TTC33: variants seen among roughly 807,000 people sequenced by gnomAD.
TTC33 encodes tetratricopeptide repeat domain 33.
TTC33 carries 24 observed loss-of-function variants against 29.4 expected under a neutral mutation model. The observed-to-expected ratio is 0.82, with a 90% CI of 0.59 to 1.15. TTC33 has a LOEUF of 1.15. Among genes scored for constraint, TTC33 ranks in the 50% most tolerant of loss-of-function variants. TTC33 has a pLI of 0.00. For synonymous variants in TTC33, 107 were observed against 100.3 expected (o/e 1.07, Z -0.40); for missense variants, 286 against 310.4 (o/e 0.92, Z 0.59).
intron 4 of TTC33, among the ~76,000 whole-genome samples, chr5:40,725,597 A>T (rs1742261412): frequency 6.6e-6 from 1 of 152,182 alleles, no homozygotes; most frequent in Non-Finnish European, 1.5e-5. Flanking sequence ...CCAGCACTGA[A>T]GGCTGAGAAC....
At position 40,715,056 on chromosome 5, in the gene TTC33, G is replaced by C. The variant is rs1741971521; in HGVS notation, c.*1089C>G. On this transcript the variant is annotated 3_prime_UTR_variant, in exon 5 of 5. Transcript: ENST00000337702. Reference sequence around the variant, plus strand: ...TAATATAGCCTTTTCATACTCATGAGATTGTACTATAAATCACATTCCAAT... The same window carrying C: ...TAATATAGCCTTTTCATACTCATGACATTGTACTATAAATCACATTCCAAT... 1 of 151,922 alleles carries C rather than the reference G, an allele frequency of 6.6e-6. No homozygotes were observed. Among genetic ancestry groups the C allele is most frequent in the Non-Finnish European group, 1.5e-5 (1 of 67,912 alleles). 9.4% of individuals were successfully genotyped at this position (151,922 alleles called of 1,614,324 possible).
chr5:40,746,577 C>G (rs1190178171), intron 2 of TTC33, among the ~76,000 whole-genome samples: 3 of 152,118 alleles, frequency 2.0e-5, no homozygotes, highest in African/African-American at 7.2e-5. Flanking sequence ...TAATTAGCAT[C>G]CTGAAAACTA....
In TTC33 at chr5:40,746,783, A is replaced by AAT; in HGVS notation, c.221+14_221+15insAT. On this transcript the variant is annotated intron_variant, in intron 2 of 4. Transcript: ENST00000337702. ...GTAAGCTCTTCTCCATAAAAAAAAA[A>AAT]CTTTAAATACATACCTTTTATTTTC... The AAT allele has an allele frequency of 6.3e-7, 1 of 1,581,972 alleles. No homozygotes were observed. The highest frequency in any genetic ancestry group is 8.6e-7 in the Non-Finnish European group (1 of 1,165,628).
chr5:40,745,177 C>A (rs1742767338), intron 2 of TTC33, among the ~76,000 whole-genome samples: 1 of 152,122 alleles, frequency 6.6e-6, no homozygotes, highest in African/African-American at 2.4e-5. Context: ...AATCTGTGAA[C>A]TCCTTAGATC....
intron 4 of TTC33, among the ~76,000 whole-genome samples, chr5:40,725,118 G>C (rs181715148): frequency 6.1e-4 from 92 of 151,068 alleles, no homozygotes; most frequent in African/African-American, 2.2e-3. Context: ...AACATGCTGG[G>C]ATTACAGGCA....
chr5:40,735,482 T>C (rs1742529404), intron 2 of TTC33, among the ~76,000 whole-genome samples: 2 of 152,304 alleles, frequency 1.3e-5, no homozygotes, highest in South Asian at 4.1e-4. Context: ...TAATTTGGGT[T>C]ACCTGGAAAA....
intron 1 of TTC33, among the ~76,000 whole-genome samples, 163 bp from the exon 2 acceptor site, chr5:40,747,182 C>A (rs976415648): frequency 6.6e-6 from 1 of 151,984 alleles, no homozygotes; most frequent in South Asian, 2.1e-4. Flanking sequence ...CTCAGCCTCC[C>A]GAATAGCTGG....
chr5:40,729,508 T>C lies in TTC33; in HGVS notation c.303+754A>G, dbSNP rs547646625. On this transcript the variant is annotated intron_variant, in intron 3 of 4. Coordinates refer to ENST00000337702, the MANE Select transcript of TTC33 (RefSeq NM_012382.3). The stretch of plus-strand genomic sequence containing the variant: ...AGTACAAATGTTATTTTTAAGCTAT[T>C]AATAAAATTGCATCTATGCTGACCT... Among the ~76,000 whole-genome samples, 3 of 152,324 alleles carry C rather than the reference T, an allele frequency of 2.0e-5. No individual in the cohort carries two copies. The South Asian group carries it at 6.2e-4, about 32-fold the overall frequency.
intron 4 of TTC33, among the ~76,000 whole-genome samples, chr5:40,727,686 C>A (rs1246337620): frequency 6.6e-6 from 1 of 152,200 alleles, no homozygotes; most frequent in Non-Finnish European, 1.5e-5. Context: ...GATACTAATA[C>A]CACTTTATAA....
intron 2 of TTC33, among the ~76,000 whole-genome samples, chr5:40,739,444 A>G (rs1007878200): frequency 2.0e-5 from 3 of 152,176 alleles, no homozygotes; most frequent in African/African-American, 7.2e-5. Context: ...TGTAATCCCC[A>G]GTGTTAAAGG....
chr5:40,724,566 G>A (rs1174522265), intron 4 of TTC33, among the ~76,000 whole-genome samples: 1 of 151,768 alleles, frequency 6.6e-6, no homozygotes, highest in Non-Finnish European at 1.5e-5. Flanking sequence ...CCGGGAGGTG[G>A]AGGTTGAAGT....
At chr5:40,751,721 G>A (rs1742897322) in intron 1 of TTC33, among the ~76,000 whole-genome samples, 1 of 152,090 alleles carries the variant, frequency 6.6e-6, no homozygotes. Flanking sequence ...CACTTTGGGG[G>A]GCCAAGGCGG....
intron 2 of TTC33, among the ~76,000 whole-genome samples, chr5:40,734,764 G>A (rs1742508427): frequency 6.6e-6 from 1 of 152,176 alleles, no homozygotes; most frequent in South Asian, 2.1e-4. Context: ...TAAGGATGCA[G>A]CACCCAACAA....
rs777175592 is a variant in TTC33 at position 40,716,407 on chromosome 5, T to G, written c.527A>C (p.Glu176Ala). 1.2e-6 allele frequency: 2 copies of G among 1,613,886 alleles called. No individual in the cohort carries two copies. The highest frequency in any genetic ancestry group is 1.7e-6 in the Non-Finnish European group (2 of 1,180,046). The part of the protein sequence containing the change: ...EDLSWARTLQ[E>A]QQKVAQRIKK... ...AATCCTCTGTGCTACCTTCTGCTGCTCCTGGAGCGTTCTTGCCCAAGAGAG... is the reference window on the plus strand; with the variant it reads ...AATCCTCTGTGCTACCTTCTGCTGCGCCTGGAGCGTTCTTGCCCAAGAGAG... The change falls in exon 5 of 5, where the codon GAG becomes GCG. Residue 176 changes from glutamate to alanine, a missense_variant. Glu to Ala is a moderately radical substitution (Grantham distance 107). Transcript: ENST00000337702.
At chr5:40,732,832 T>C (rs1742463124) in intron 2 of TTC33, among the ~76,000 whole-genome samples, 1 of 152,120 alleles carries the variant, frequency 6.6e-6, no homozygotes, top group South Asian at 2.1e-4. Flanking sequence ...GGTCTTGAAC[T>C]CTTGACCTCA....
Position 40,716,334 on chromosome 5 carries a change from T to C in TTC33, c.600A>G (p.Ser200=). The change falls in exon 5 of 5, where the codon TCA becomes TCG. Residue 200 remains serine (S), a synonymous_variant. Coordinates refer to ENST00000337702, the MANE Select transcript of TTC33 (RefSeq NM_012382.3). The stretch of plus-strand genomic sequence containing the variant: ...CACTTTCAAAGTCATAGTCTGGAAT[T>C]GACTTTGGTGAAAAGTGTGTTACTT... The part of the protein sequence containing the change: ...PAEVTHFSPK[S]IPDYDFESDE... The C allele has an allele frequency of 6.2e-7, 1 of 1,614,204 alleles. No individual in the cohort carries two copies. Among genetic ancestry groups the C allele is most frequent in the Non-Finnish European group, 8.5e-7 (1 of 1,180,024 alleles).
At chr5:40,726,748 A>G (rs1742297956) in intron 4 of TTC33, among the ~76,000 whole-genome samples, 1 of 152,162 alleles carries the variant, frequency 6.6e-6, no homozygotes, top group South Asian at 2.1e-4. Flanking sequence ...AATCTTTACT[A>G]AATATTATGT....
intron 1 of TTC33, among the ~76,000 whole-genome samples, chr5:40,750,154 A>T (rs1742868153): frequency 6.6e-6 from 1 of 151,936 alleles, no homozygotes; most frequent in South Asian, 2.1e-4. Context: ...GCCAATGATC[A>T]TCTGAACCTT....
At chr5:40,731,757 T>C (rs1474332054) in intron 2 of TTC33, among the ~76,000 whole-genome samples, 4 of 152,158 alleles carry the variant, frequency 2.6e-5, no homozygotes, top group South Asian at 2.1e-4. Flanking sequence ...ATATCTAAGA[T>C]TGCCTTCCTA....
Sources: gnomAD v4.1 joint callset for allele counts (sites outside exome capture counted in the v4.1 genomes callset) on GRCh38, gnomAD v4.1.1 for gene constraint, MANE v1.5 for transcripts, NCBI Gene and HGNC (gene_info 2026-07-23, HGNC 2026-07-21) for gene names.